Variants in NDE1 observed in about 807,000 individuals in gnomAD.
The protein encoded by NDE1 is nudE neurodevelopment protein 1.
NDE1 carries 28 observed loss-of-function variants against 43.4 expected under a neutral mutation model. The ratio of observed to expected loss-of-function variants is 0.65; its 90% CI spans 0.48 to 0.89. The LOEUF is 0.89. NDE1 is among the 40% of genes least tolerant of loss of function. NDE1 has a pLI of 0.00. For synonymous variants in NDE1, 184 were observed against 172.0 expected, an observed-to-expected ratio of 1.07 and a Z score of -0.55; for missense variants, 441 against 434.1, an observed-to-expected ratio of 1.02 and a Z score of -0.14.
At chr16:15,705,904 G>A (rs532586070) in intron 8 of NDE1, among the ~76,000 whole-genome samples, 1 of 149,562 alleles carries the variant, frequency 6.7e-6, no homozygotes, top group East Asian at 2.0e-4. Context: ...AGAATGACAT[G>A]AACCCAGGAG....
At chr16:15,723,310 G>A (rs1394014864) in intron 8 of NDE1, among the ~76,000 whole-genome samples, 1 of 152,106 alleles carries the variant, frequency 6.6e-6, no homozygotes, top group Non-Finnish European at 1.5e-5. Flanking sequence ...GCTCTGAAAT[G>A]TACCCAAGAG....
intron 4 of NDE1, 117 bp downstream of exon 4, chr16:15,678,066 GC>G (rs540598344): frequency 2.0e-4 from 260 of 1,309,158 alleles, no homozygotes; most frequent in Non-Finnish European, 2.6e-4. Context: ...GCAGAACAAA[GC>G]CAGTGCCCTT....
chr16:15,702,489 ACATGATCC>A (rs1403099749), intron 8 of NDE1, among the ~76,000 whole-genome samples: 1 of 152,130 alleles, frequency 6.6e-6, no homozygotes, highest in East Asian at 1.9e-4. Flanking sequence ...CTCCTGGCTC[ACATGATCC>A]TCCTGCCTTA....
chr16:15,665,569 G>A (rs763338948), intron 2 of NDE1, among the ~76,000 whole-genome samples: 18 of 151,294 alleles, frequency 1.2e-4, no homozygotes, highest in Non-Finnish European at 2.2e-4. Context: ...TCAGCTTCTC[G>A]AGTAGCTGGA....
chr16:15,650,728 C>CT (rs2036458456), intron 1 of NDE1, among the ~76,000 whole-genome samples: 1 of 152,090 alleles, frequency 6.6e-6, no homozygotes, highest in Admixed American at 6.5e-5. Context: ...TACTCCTCTC[C>CT]TAGATGACCC....
At chr16:15,643,507 C>T (rs2036201309) in exon 1 of NDE1, 2 of 384,476 alleles carry the variant, frequency 5.2e-6, no homozygotes, top group Non-Finnish European at 1.0e-5. Flanking sequence ...GAATTCAGCT[C>T]TTTCAGGCTT....
rs1013396074 is a variant in NDE1, at chr16:15,718,811, G to T, written c.948-5380G>T. 1.7e-5 allele frequency: 7 copies of T among 407,772 alleles called. No homozygotes were observed. The East Asian group carries it at 3.7e-4, about 22-fold the overall frequency. 25.3% of individuals were successfully genotyped at this position (407,772 alleles called of 1,614,324 possible). On this transcript the variant is annotated intron_variant, in intron 8 of 8. Coordinates refer to ENST00000396354, the MANE Select transcript of NDE1 (RefSeq NM_017668.3). ...GGGTCTGTCCCCAATCTCAGAGGACGCTTCGTCAGCAGCAGCATTGAAATG... is the reference window on the plus strand; with the variant it reads ...GGGTCTGTCCCCAATCTCAGAGGACTCTTCGTCAGCAGCAGCATTGAAATG...
chr16:15,678,080 G>A (rs2037979768), intron 4 of NDE1, 131 bp downstream of exon 4: 2 of 1,139,954 alleles, frequency 1.8e-6, no homozygotes, highest in Admixed American at 1.8e-5. Context: ...GTGCCCTTCT[G>A]GATTTTAGTG....
rs1043788184 is a variant in NDE1, at chr16:15,721,231, C to G, written c.948-2960C>G. 5 of 927,056 alleles carry G rather than the reference C, an allele frequency of 5.4e-6. No individual in the cohort carries two copies. In the Admixed American group the frequency reaches 8.1e-5, roughly 15 times the overall value. The allele number at this position is 927,056 out of a possible 1,614,324, so 57.4% of individuals were successfully genotyped here. A position where few individuals can be genotyped will look rare whatever the true frequency, so the allele number is the denominator to read the frequency against. On this transcript the variant is annotated intron_variant, in intron 8 of 8. Coordinates refer to ENST00000396354, the MANE Select transcript of NDE1 (RefSeq NM_017668.3). The stretch of plus-strand genomic sequence containing the variant: ...GACCCCAGCCTTATCCTCGGACCCC[C>G]CAACTCAGACCCATCCTCGACTGCC...
chr16:15,723,243 C>CT (rs2040577230), intron 8 of NDE1, among the ~76,000 whole-genome samples: 1 of 152,070 alleles, frequency 6.6e-6, no homozygotes, highest in African/African-American at 2.4e-5. Flanking sequence ...AAAATAAACT[C>CT]TAATTAATAT....
At chr16:15,715,550 G>A (rs145313061) in intron 8 of NDE1, among the ~76,000 whole-genome samples, 149 of 152,340 alleles carry the variant, frequency 9.8e-4, no homozygotes, top group African/African-American at 3.5e-3. Flanking sequence ...GTCCAGAATA[G>A]ATAAATTCAT....
chr16:15,708,675 C>T (rs998844971), intron 8 of NDE1: 3 of 972,382 alleles, frequency 3.1e-6, no homozygotes, highest in South Asian at 1.4e-5. Flanking sequence ...ATCCAAGCCT[C>T]CAGATTTTGC....
intron 5 of NDE1, among the ~76,000 whole-genome samples, chr16:15,687,733 T>C (rs2038512619): frequency 6.6e-6 from 1 of 152,212 alleles, no homozygotes; most frequent in Non-Finnish European, 1.5e-5. Flanking sequence ...AAGGGCCCCT[T>C]ATGGGTATTT....
Position 15,677,898 on chromosome 16 carries a change from A to G in NDE1, c.335A>G (p.Lys112Arg), listed in dbSNP as rs2037969255. The change falls in exon 4 of 9, where the codon AAA (lysine) becomes AGA (arginine). Residue 112 changes from lysine to arginine, a missense_variant. Physicochemically the swap from Lys to Arg is conservative, Grantham distance 26. Transcript: ENST00000396354. ...QTKAIKDQLQ[K>R]YIRELEQAND... ...AAAGCCATTAAAGACCAATTGCAGA[A>G]ATACATCAGAGAGCTGGAGCAAGCA... 1 of 1,613,966 alleles carries G rather than the reference A, an allele frequency of 6.2e-7. No homozygotes were observed. The highest frequency in any genetic ancestry group is 1.1e-5 in the South Asian group (1 of 91,088).
At chr16:15,649,801 G>A (rs552685609), upstream of NDE1, among the ~76,000 whole-genome samples, 9 of 152,358 alleles carry the variant, frequency 5.9e-5, no homozygotes, top group East Asian at 1.9e-4. Flanking sequence ...TACTTTTGGT[G>A]TAAAGGAGTA....
chr16:15,657,774 G>GT (rs560841770), intron 1 of NDE1, among the ~76,000 whole-genome samples: 3 of 151,826 alleles, frequency 2.0e-5, no homozygotes, highest in East Asian at 1.9e-4. Flanking sequence ...TTTTGTTTTT[G>GT]TTTTTTTAGT....
chr16:15,668,096 G>T (rs2037409516), intron 3 of NDE1, among the ~76,000 whole-genome samples: 1 of 152,044 alleles, frequency 6.6e-6, no homozygotes, highest in Admixed American at 6.6e-5. Context: ...GGGCGAGGTG[G>T]TGCATACCTG....
intron 8 of NDE1, among the ~76,000 whole-genome samples, chr16:15,707,000 AC>A (rs1039060728): frequency 6.6e-6 from 1 of 151,808 alleles, no homozygotes; most frequent in Non-Finnish European, 1.5e-5. Context: ...GAACTAAGGG[AC>A]CCCCCTAAAG....
chr16:15,660,324 T>A (rs2036980169), intron 1 of NDE1, among the ~76,000 whole-genome samples: 2 of 151,546 alleles, frequency 1.3e-5, no homozygotes, highest in African/African-American at 4.9e-5. Flanking sequence ...AAAAAAAAAA[T>A]TAGCTTGGCG....
Sources: gnomAD v4.1 joint callset for allele counts (sites outside exome capture counted in the v4.1 genomes callset) on GRCh38, gnomAD v4.1.1 for gene constraint, MANE v1.5 for transcripts, NCBI Gene and HGNC (gene_info 2026-07-23, HGNC 2026-07-21) for gene names.